ERICH3: variants seen among roughly 807,000 people sequenced by gnomAD.
ERICH3 encodes glutamate-rich protein 3.
ERICH3 carries 126 observed loss-of-function variants against 131.1 expected under a neutral mutation model. The observed-to-expected ratio is 0.96, with a 90% confidence interval of 0.83 to 1.11. The LOEUF (loss-of-function observed/expected upper bound fraction) is 1.11. ERICH3 is among the 50% of genes most tolerant of loss of function. ERICH3 has a pLI of 0.00. For missense variants in ERICH3, 2,050 were observed against 1,810.7 expected, an observed-to-expected ratio of 1.13 and a Z score of -2.40; for synonymous variants, 695 against 644.6, an observed-to-expected ratio of 1.08 and a Z score of -1.18.
intron 10 of ERICH3, among the ~76,000 whole-genome samples, chr1:74,604,801 A>T (rs984551834): frequency 1.3e-5 from 2 of 151,962 alleles, no homozygotes; most frequent in Non-Finnish European, 2.9e-5. Flanking sequence ...TTTATAGAGC[A>T]GAAGCAGATA....
chr1:74,589,987 G>C lies in ERICH3; in HGVS notation c.1820C>G (p.Thr607Ser). The change falls in exon 12 of 15, where the codon ACT becomes AGT. Residue 607 changes from threonine to serine, a missense_variant. Thr to Ser is a moderately conservative substitution (Grantham distance 58). Transcript: ENST00000326665. ...ESAVGDREAH[T>S]DSSTDESARR... ...GGCACTTTCATCTGTGCTGCTGTCAGTGTGGGCTTCCCTGTCCCCCACTGC... is the reference window on the plus strand; with the variant it reads ...GGCACTTTCATCTGTGCTGCTGTCACTGTGGGCTTCCCTGTCCCCCACTGC... 3 of 1,613,966 alleles carry C rather than the reference G, an allele frequency of 1.9e-6. No homozygotes were observed. Among genetic ancestry groups the C allele is most frequent in the Non-Finnish European group, 2.5e-6 (3 of 1,179,942 alleles).
chr1:74,587,151 C>T (rs994289134), intron 12 of ERICH3, among the ~76,000 whole-genome samples: 1 of 151,720 alleles, frequency 6.6e-6, no homozygotes, highest in Non-Finnish European at 1.5e-5. Flanking sequence ...CGGTGAAACC[C>T]CGTCTTTACT....
chr1:74,572,466 T>C lies in ERICH3; in HGVS notation c.3244A>G (p.Arg1082Gly). 6.2e-7 allele frequency: 1 copy of C among 1,614,178 alleles called. No homozygotes were observed. Among genetic ancestry groups the C allele is most frequent in the Non-Finnish European group, 8.5e-7 (1 of 1,180,026 alleles). Residue 1082 changes from arginine to glycine, a missense_variant, in exon 14 of 15, where the codon AGG (arginine) becomes GGG (glycine). Transcript: ENST00000326665. ...TCTTCATCCTTGAGTGCATTTGCCCTTGTCACCTCTTCTCTCTCAGAGTCA... is the reference window on the plus strand; with the variant it reads ...TCTTCATCCTTGAGTGCATTTGCCCCTGTCACCTCTTCTCTCTCAGAGTCA... The part of the protein sequence containing the change: ...KTDSEREEVT[R>G]ANALKDEDAF...
Position 74,573,509 on chromosome 1 carries a change from GA to G in ERICH3, c.2219-19del. 6.7e-7 allele frequency: 1 copy of G among 1,492,850 alleles called. No individual in the cohort carries two copies. Among genetic ancestry groups the G allele is most frequent in the Non-Finnish European group, 8.9e-7 (1 of 1,125,458 alleles). 92.5% of individuals were successfully genotyped at this position (1,492,850 alleles called of 1,614,324 possible). ...TGTTGGTGCTATAAAAATAAGGTTAGAAATCAAGATTACTTTAATCCAAGCG... is the reference window on the plus strand; with the variant it reads ...TGTTGGTGCTATAAAAATAAGGTTAGAATCAAGATTACTTTAATCCAAGCG... On this transcript the variant is annotated intron_variant, in intron 13 of 14. Coordinates refer to ENST00000326665, the MANE Select transcript of ERICH3 (RefSeq NM_001002912.5).
intron 1 of ERICH3, among the ~76,000 whole-genome samples, chr1:74,660,547 T>C (rs1646630754): frequency 6.7e-6 from 1 of 150,290 alleles, no homozygotes; most frequent in Admixed American, 6.7e-5. Flanking sequence ...ATCCATTGAT[T>C]ATAAGAAGGC....
At chr1:74,622,292 TG>T (rs1392934592) in intron 7 of ERICH3, 1 of 152,206 alleles carries the variant, frequency 6.6e-6, no homozygotes, top group Admixed American at 6.5e-5. Context: ...TCTTGCCTGT[TG>T]GAAGGAAGAG....
intron 12 of ERICH3, chr1:74,586,340 T>C: frequency 1.1e-6 from 1 of 878,684 alleles, no homozygotes; most frequent in South Asian, 5.3e-5. Context: ...TGTATCTTTG[T>C]AATATAGCAA....
At position 74,571,471 on chromosome 1, in the gene ERICH3, C is replaced by T; in HGVS notation, c.4239G>A (p.Glu1413=). The T allele has an allele frequency of 6.2e-7, 1 of 1,614,136 alleles. No individual in the cohort carries two copies. The highest frequency in any genetic ancestry group is 8.5e-7 in the Non-Finnish European group (1 of 1,180,018). ...VVVEELARSG[E]EVPAAEEMTV... is the part of the protein sequence containing the mutation. Reference sequence around the variant, plus strand: ...TCATCTCCTCTGCTGCTGGCACTTCCTCCCCACTCCGTGCTAATTCCTCTA... The same window carrying T: ...TCATCTCCTCTGCTGCTGGCACTTCTTCCCCACTCCGTGCTAATTCCTCTA... Residue 1413 remains glutamate (E), a synonymous_variant, in exon 14 of 15, where the codon GAG becomes GAA. Transcript: ENST00000326665.
At chr1:74,594,311 T>TGTGTGTGTGTGTGTG (rs1647746548) in intron 11 of ERICH3, among the ~76,000 whole-genome samples, 1 of 150,824 alleles carries the variant, frequency 6.6e-6, no homozygotes, top group African/African-American at 2.4e-5. Context: ...TGTGTATGCT[T>TGTGTGTGTGTGTGTG]TGTATGCCAG....
intron 8 of ERICH3, among the ~76,000 whole-genome samples, chr1:74,615,882 A>G (rs1197819337): frequency 6.6e-6 from 1 of 152,128 alleles, no homozygotes; most frequent in African/African-American, 2.4e-5. Context: ...AAGGAGAAAA[A>G]CCTTTCGCCT....
Position 74,589,474 on chromosome 1 carries a change from C to T in ERICH3, c.2176+157G>A, listed in dbSNP as rs894049228. ...GAAGGCAAACAGCAAACTGAAAATA[C>T]ATGTATGATTATGTGACAAAGAGAG... On this transcript the variant is annotated intron_variant, in intron 12 of 14. Coordinates refer to ENST00000326665, the MANE Select transcript of ERICH3 (RefSeq NM_001002912.5). 59 of 712,152 alleles carry T rather than the reference C, an allele frequency of 8.3e-5. No homozygotes were observed. In the South Asian group the frequency reaches 1.1e-3, roughly 14 times the overall value. 44.1% of individuals were successfully genotyped at this position (712,152 alleles called of 1,614,324 possible).
chr1:74,588,979 A>G (rs1368501605), intron 12 of ERICH3, among the ~76,000 whole-genome samples: 2 of 152,204 alleles, frequency 1.3e-5, no homozygotes, highest in African/African-American at 2.4e-5. Flanking sequence ...CTAAATTCAT[A>G]TTACACAGAC....
intron 5 of ERICH3, among the ~76,000 whole-genome samples, chr1:74,640,018 AT>A (rs1646424377): frequency 6.6e-6 from 1 of 152,188 alleles, no homozygotes; most frequent in East Asian, 1.9e-4. Context: ...CACATGAAGA[AT>A]CCTGGCTTAC....
At chr1:74,635,481 A>G (rs1414921843) in intron 6 of ERICH3, among the ~76,000 whole-genome samples, 6 of 152,200 alleles carry the variant, frequency 3.9e-5, no homozygotes, top group Non-Finnish European at 7.3e-5. Context: ...TCAATTAAAA[A>G]TAAAAATATC....
chr1:74,576,431 G>C (rs912674151), intron 13 of ERICH3, among the ~76,000 whole-genome samples: 2 of 152,152 alleles, frequency 1.3e-5, no homozygotes, highest in Non-Finnish European at 2.9e-5. Flanking sequence ...CTGTAAGTCA[G>C]CCCGCTGCAC....
At position 74,631,938 on chromosome 1, in the gene ERICH3, T is replaced by C; in HGVS notation, c.604-10A>G. On this transcript the variant is annotated splice_polypyrimidine_tract_variant and intron_variant, in intron 6 of 14. Transcript: ENST00000326665. ...TCACTGCCTTCTTGCCCTGTAATCA[T>C]ATTTCATCGCATAAGAACCAGTGAA... is the stretch of plus-strand genomic sequence containing the variant. 2 of 1,604,222 alleles carry C rather than the reference T, an allele frequency of 1.2e-6. No homozygotes were observed. The highest frequency in any genetic ancestry group is 1.7e-6 in the Non-Finnish European group (2 of 1,172,550).
intron 1 of ERICH3, among the ~76,000 whole-genome samples, chr1:74,658,440 G>A (rs1260370095): frequency 6.6e-6 from 1 of 152,058 alleles, no homozygotes; most frequent in East Asian, 1.9e-4. Flanking sequence ...CAAACCCTTG[G>A]CCAACCTATC....
intron 4 of ERICH3, among the ~76,000 whole-genome samples, chr1:74,641,750 C>G (rs1380014995): frequency 2.0e-5 from 3 of 151,986 alleles, no homozygotes; most frequent in African/African-American, 7.2e-5. Context: ...CTACTGCGAT[C>G]AGTAGACTAC....
At chr1:74,624,132 T>TATTCTG (rs1649333669) in intron 7 of ERICH3, 1 of 152,196 alleles carries the variant, frequency 6.6e-6, no homozygotes, top group Admixed American at 6.5e-5. Flanking sequence ...GTCCTTTCCA[T>TATTCTG]ATTCTGATAA....
Sources: allele counts gnomAD v4.1 joint callset (sites outside exome capture counted in the v4.1 genomes callset), GRCh38; gene constraint gnomAD v4.1.1; transcripts MANE v1.5; gene names NCBI Gene and HGNC (gene_info 2026-07-23, HGNC 2026-07-21).